Variants in TVP23A observed in about 807,000 individuals in gnomAD.
The protein encoded by TVP23A is trans-golgi network vesicle protein 23 homolog A.
Under a neutral mutation model 31.7 loss-of-function variants are expected in TVP23A, and 21 were observed. The ratio of observed to expected loss-of-function variants is 0.66; its 90% CI spans 0.47 to 0.95. The LOEUF (loss-of-function observed/expected upper bound fraction) is 0.95. TVP23A is among the 40% of genes least tolerant of loss of function. TVP23A has a pLI of 0.00. For missense variants in TVP23A, 279 were observed against 255.6 expected (o/e 1.09, Z -0.62); for synonymous variants, 104 against 96.0 (o/e 1.08, Z -0.49).
chr16:10,775,482 A>C, intron 2 of TVP23A: 1 of 1,063,270 alleles, frequency 9.4e-7, no homozygotes. Flanking sequence ...ACCACCAGTC[A>C]CTGAGCTCCA....
chr16:10,816,488 T>C (rs1010450865), intron 2 of TVP23A, among the ~76,000 whole-genome samples: 2 of 152,016 alleles, frequency 1.3e-5, no homozygotes, highest in African/African-American at 2.4e-5. Context: ...TGCATGCCAC[T>C]ACACCCAGCT....
Position 10,770,338 on chromosome 16 carries a change from G to A in TVP23A, c.583-7C>T, listed in dbSNP as rs1365671453. On this transcript the variant is annotated splice_region_variant and splice_polypyrimidine_tract_variant and intron_variant, in intron 6 of 7. Coordinates refer to ENST00000299866, the MANE Select transcript of TVP23A (RefSeq NM_001079512.4). ...GAAAGTCACCTGGGCAGGCCTGCAAGGGGAAAAGTCAACCATGGTTTTCTG... is the reference window on the plus strand; with the variant it reads ...GAAAGTCACCTGGGCAGGCCTGCAAAGGGAAAAGTCAACCATGGTTTTCTG... The A allele has an allele frequency of 5.8e-6, 9 of 1,550,774 alleles. No homozygotes were observed. Among genetic ancestry groups the A allele is most frequent in the South Asian group, 3.6e-5 (3 of 83,884 alleles).
intron 2 of TVP23A, among the ~76,000 whole-genome samples, chr16:10,789,365 G>A (rs2032962029): frequency 6.6e-6 from 1 of 152,134 alleles, no homozygotes; most frequent in Non-Finnish European, 1.5e-5. Context: ...GATGAAAAGA[G>A]TCAAACTCTC....
At chr16:10,804,389 G>A (rs1164397591) in intron 2 of TVP23A, among the ~76,000 whole-genome samples, 1 of 152,178 alleles carries the variant, frequency 6.6e-6, no homozygotes, top group African/African-American at 2.4e-5. Flanking sequence ...GGTGAGGGCC[G>A]AAGCTCACCC....
At chr16:10,772,282 C>T (rs765929789) in intron 5 of TVP23A, among the ~76,000 whole-genome samples, 5 of 152,166 alleles carry the variant, frequency 3.3e-5, no homozygotes, top group Non-Finnish European at 5.9e-5. Context: ...AGAGCTGGAG[C>T]GTGGTCGAGC....
downstream of TVP23A, among the ~76,000 whole-genome samples, chr16:10,762,969 G>T (rs1327642741): frequency 6.6e-6 from 1 of 151,770 alleles, no homozygotes; most frequent in East Asian, 1.9e-4. Flanking sequence ...AGGAGTGGCT[G>T]CCCTGGGATA....
chr16:10,798,927 T>G (rs1391036681), intron 2 of TVP23A, among the ~76,000 whole-genome samples: 2 of 152,164 alleles, frequency 1.3e-5, no homozygotes, highest in Non-Finnish European at 1.5e-5. Context: ...CTTCCAAAGT[T>G]CTGGGATTAC....
At chr16:10,789,354 T>C (rs1468777274) in intron 2 of TVP23A, among the ~76,000 whole-genome samples, 1 of 152,054 alleles carries the variant, frequency 6.6e-6, no homozygotes, top group African/African-American at 2.4e-5. Flanking sequence ...AAAAATGTGT[T>C]GATGAAAAGA....
chr16:10,812,827 A>C (rs1265235573), intron 2 of TVP23A, among the ~76,000 whole-genome samples: 2 of 152,292 alleles, frequency 1.3e-5, no homozygotes, highest in Non-Finnish European at 2.9e-5. Context: ...TACTTGAACT[A>C]CTAAACTGTA....
intron 2 of TVP23A, among the ~76,000 whole-genome samples, chr16:10,792,116 C>G (rs1452001651): frequency 6.6e-6 from 1 of 152,234 alleles, no homozygotes; most frequent in Non-Finnish European, 1.5e-5. Flanking sequence ...CTGTGGTCCA[C>G]CTCCGGCTGG....
chr16:10,757,871 A>T (rs1317588938), downstream of TVP23A: 3 of 1,613,250 alleles, frequency 1.9e-6, no homozygotes, highest in African/African-American at 4.0e-5. This position sits in a 1 kb window ranked among gnomAD's most constrained non-coding sequence, Gnocchi z 4.1. Context: ...TCCTCTTTCT[A>T]GGCATGATCA....
chr16:10,776,145 C>T (rs113302761), intron 2 of TVP23A, among the ~76,000 whole-genome samples: 4,340 of 151,314 alleles, frequency 0.029, 178 homozygotes, highest in African/African-American at 0.09. Context: ...GAGGCCGAGG[C>T]GGGCGGATCA....
downstream of TVP23A, chr16:10,762,023 G>A (rs79212073): frequency 0.013 from 7,831 of 583,900 alleles, 517 homozygotes; most frequent in African/African-American, 0.13. Context: ...AGAGGCCACC[G>A]GGAGAGAGGC....
downstream of TVP23A, chr16:10,758,061 C>T (rs752398866): frequency 3.1e-6 from 5 of 1,604,130 alleles, no homozygotes; most frequent in East Asian, 2.2e-5. Context: ...TGGGTCCAAA[C>T]TGTGCTCCAC....
intron 2 of TVP23A, among the ~76,000 whole-genome samples, chr16:10,788,553 G>A (rs576607767): frequency 1.1e-4 from 16 of 152,116 alleles, no homozygotes; most frequent in Non-Finnish European, 2.1e-4. Flanking sequence ...TGGTGACAAA[G>A]GAATGAGAAG....
At chr16:10,786,625 T>C (rs1264158163) in intron 2 of TVP23A, among the ~76,000 whole-genome samples, 1 of 152,138 alleles carries the variant, frequency 6.6e-6, no homozygotes, top group Non-Finnish European at 1.5e-5. Flanking sequence ...TGCTTTGCTC[T>C]GTGATGATGT....
intron 2 of TVP23A, among the ~76,000 whole-genome samples, chr16:10,778,725 G>A (rs1323509504): frequency 3.3e-5 from 5 of 151,544 alleles, no homozygotes; most frequent in African/African-American, 1.2e-4. Flanking sequence ...CAGCACTTTG[G>A]GAGGCTGAGG....
intron 2 of TVP23A, chr16:10,775,433 T>C (rs764730302): frequency 6.4e-6 from 7 of 1,094,978 alleles, no homozygotes; most frequent in Non-Finnish European, 7.8e-6. Context: ...CTAGCAGAGA[T>C]GACGGCCAGT....
In TVP23A at chr16:10,784,139, G is replaced by T. The variant is rs542342200; in HGVS notation, c.90-9043C>A. Among the ~76,000 whole-genome samples, 4 of 152,026 alleles carry T rather than the reference G, an allele frequency of 2.6e-5. No individual in the cohort carries two copies. In the South Asian group the frequency reaches 8.3e-4, roughly 32 times the overall value. On this transcript the variant is annotated intron_variant, in intron 2 of 7. Transcript: ENST00000299866. ...GCTTGAGCCCAGGAGTTCAAGACCA[G>T]CCTGGCCAACATGGTGAAACCCTGT...
Sources: allele counts gnomAD v4.1 joint callset (sites outside exome capture counted in the v4.1 genomes callset), GRCh38; gene constraint gnomAD v4.1.1; non-coding constraint Gnocchi (gnomAD v3.1); transcripts MANE v1.5; gene names NCBI Gene and HGNC (gene_info 2026-07-23, HGNC 2026-07-21).